BAHD1: variants seen among roughly 807,000 people sequenced by gnomAD.
BAHD1 encodes the protein bromo adjacent homology domain containing 1.
A neutral mutation model predicts 63.1 loss-of-function variants in BAHD1; 20 were observed. The observed-to-expected ratio is 0.32, with a 90% CI of 0.22 to 0.46. The LOEUF (loss-of-function observed/expected upper bound fraction) is 0.46. BAHD1 is among the 20% of genes least tolerant of loss of function. BAHD1 has a pLI of 1.00. For missense variants in BAHD1, 939 were observed against 1,071.8 expected, an observed-to-expected ratio of 0.88 and a Z score of 1.73; for synonymous variants, 408 against 426.8, an observed-to-expected ratio of 0.96 and a Z score of 0.54.
rs930120838 is a variant in BAHD1 at position 40,466,959 on chromosome 15, C to G, written c.*829C>G. ...CTACCTGATTTGTTGAAGATTTTTC[C>G]TCTTGCCTTACACATGGAGGTTCCA... On this transcript the variant is annotated 3_prime_UTR_variant, in exon 7 of 7. Coordinates refer to ENST00000416165, the MANE Select transcript of BAHD1 (RefSeq NM_014952.5). 6.6e-6 allele frequency: 1 copy of G among 152,418 alleles called. No individual in the cohort carries two copies. The highest frequency in any genetic ancestry group is 6.5e-5 in the Admixed American group (1 of 15,288). 9.4% of individuals were successfully genotyped at this position (152,418 alleles called of 1,614,324 possible).
intron 4 of BAHD1, 102 bp downstream of exon 4, chr15:40,464,122 C>T: frequency 7.4e-7 from 1 of 1,346,682 alleles, no homozygotes; most frequent in Non-Finnish European, 1.0e-6. Flanking sequence ...CGTGAGTCTC[C>T]CCGTGTTCCT....
intron 1 of BAHD1, among the ~76,000 whole-genome samples, chr15:40,443,685 G>C (rs1293403173): frequency 6.6e-6 from 1 of 152,046 alleles, no homozygotes; most frequent in African/African-American, 2.4e-5. Flanking sequence ...CCCGTGTCAG[G>C]CCTGTGTTGT....
chr15:40,458,553 T>C lies in BAHD1; in HGVS notation c.89T>C (p.Met30Thr). 1 of 1,613,696 alleles carries C rather than the reference T, an allele frequency of 6.2e-7. No individual in the cohort carries two copies. Among genetic ancestry groups the C allele is most frequent in the Non-Finnish European group, 8.5e-7 (1 of 1,179,894 alleles). ...CCCCTGCAGATGGAAGACAGCAACA[T>C]GGAGCAGGGGGTTGAGGGTGTGGAG... ...REPLQMEDSN[M>T]EQGVEGVEPG... The change falls in exon 2 of 7, where the codon ATG becomes ACG. Residue 30 changes from methionine to threonine, a missense_variant. Coordinates refer to ENST00000416165, the MANE Select transcript of BAHD1 (RefSeq NM_014952.5). This position sits in a 1 kb window ranked among gnomAD's most constrained non-coding sequence, Gnocchi z 4.7.
Position 40,466,094 on chromosome 15 carries a change from C to G in BAHD1, c.2307C>G (p.Asp769Glu). The change falls in exon 7 of 7, where the codon GAC becomes GAG. Residue 769 changes from aspartate (D) to glutamate (E), a missense_variant. By Grantham distance (45) the Asp-to-Glu change is conservative. Coordinates refer to ENST00000416165, the MANE Select transcript of BAHD1 (RefSeq NM_014952.5). Reference sequence around the variant, plus strand: ...TGTTCCTTTGCCGCCATGTCTATGACTTCCGCCACGGGCGCATCCTTAAGA... The same window carrying G: ...TGTTCCTTTGCCGCCATGTCTATGAGTTCCGCCACGGGCGCATCCTTAAGA... ...ELVFLCRHVYDFRHGRILKNP... is the reference protein window; with the variant it reads ...ELVFLCRHVYEFRHGRILKNP... The G allele has an allele frequency of 6.2e-7, 1 of 1,614,058 alleles. No homozygotes were observed. Among genetic ancestry groups the G allele is most frequent in the Non-Finnish European group, 8.5e-7 (1 of 1,179,928 alleles).
At chr15:40,440,363 C>G (rs2141455835), upstream of BAHD1, among the ~76,000 whole-genome samples, 1 of 152,032 alleles carries the variant, frequency 6.6e-6, no homozygotes, top group South Asian at 2.1e-4. Context: ...GGCCCTTTTG[C>G]AGGAGTCTGG....
intron 1 of BAHD1, among the ~76,000 whole-genome samples, chr15:40,454,863 A>C (rs960308438): frequency 1.3e-5 from 2 of 152,086 alleles, no homozygotes; most frequent in African/African-American, 4.8e-5. Context: ...AACCAAGCCT[A>C]CCACTTTGCT....
Position 40,464,915 on chromosome 15 carries a change from A to C in BAHD1, c.2052+368A>C, listed in dbSNP as rs540742783. 4.1e-4 allele frequency: 152 copies of C among 369,542 alleles called. 1 individual carries two copies. The South Asian group carries it at 4.8e-3, about 12-fold the overall frequency. 22.9% of individuals were successfully genotyped at this position (369,542 alleles called of 1,614,324 possible). On this transcript the variant is annotated intron_variant, in intron 5 of 6. Transcript: ENST00000416165. ...AGTAGGGGAGGGGAGGGGAGGAAAGACTCCTCCTAACACCCCATAGGCTCT... is the reference window on the plus strand; with the variant it reads ...AGTAGGGGAGGGGAGGGGAGGAAAGCCTCCTCCTAACACCCCATAGGCTCT...
intron 1 of BAHD1, among the ~76,000 whole-genome samples, chr15:40,456,273 C>G (rs185966691): frequency 7.7e-4 from 117 of 152,334 alleles, no homozygotes; most frequent in African/African-American, 2.7e-3. Flanking sequence ...CCACCACGCC[C>G]GGCATTGCCA....
intron 1 of BAHD1, among the ~76,000 whole-genome samples, chr15:40,447,164 C>T (rs552955435): frequency 2.6e-5 from 4 of 152,322 alleles, no homozygotes; most frequent in East Asian, 3.9e-4. Flanking sequence ...GGTGAAGTCA[C>T]GTTTCCACCA....
At chr15:40,449,736 G>A (rs1893648950) in intron 1 of BAHD1, among the ~76,000 whole-genome samples, 1 of 150,434 alleles carries the variant, frequency 6.6e-6, no homozygotes, top group Non-Finnish European at 1.5e-5. Flanking sequence ...TTGAGCCCAG[G>A]AATTCGAGGC....
chr15:40,438,738 C>G (rs535517797), upstream of BAHD1, among the ~76,000 whole-genome samples: 3 of 152,330 alleles, frequency 2.0e-5, no homozygotes, highest in African/African-American at 7.2e-5. Flanking sequence ...CTGCCATTTC[C>G]TCGGCTGAAC....
In BAHD1 at chr15:40,463,737, G is replaced by C. The variant is rs1449469107; in HGVS notation, c.1816-124G>C. ...CCCATCCAAAAAAGGATAGTGGTTT[G>C]ACAAAACCAAGGTAGTGGTTTGACT... is the stretch of plus-strand genomic sequence containing the variant. On this transcript the variant is annotated intron_variant, in intron 3 of 6. Transcript: ENST00000416165. 14 of 1,122,922 alleles carry C rather than the reference G, an allele frequency of 1.2e-5. No homozygotes were observed. In the South Asian group the frequency reaches 2.2e-4, roughly 18 times the overall value. The allele number at this position is 1,122,922 out of a possible 1,614,324, so 69.6% of individuals were successfully genotyped here. A position where few individuals can be genotyped will look rare whatever the true frequency, so the allele number is the denominator to read the frequency against.
In BAHD1 at chr15:40,463,938, C is replaced by T. The variant is rs773872277; in HGVS notation, c.1893C>T (p.Thr631=). The T allele has an allele frequency of 6.8e-6, 11 of 1,614,090 alleles. No individual in the cohort carries two copies. The highest frequency in any genetic ancestry group is 3.3e-5 in the South Asian group (3 of 91,084). Residue 631 remains threonine, a synonymous_variant, in exon 4 of 7, where the codon ACC becomes ACT. Coordinates refer to ENST00000416165, the MANE Select transcript of BAHD1 (RefSeq NM_014952.5). ...RHGETIRVRD[T]VLLKSGPRKT... ...GGGAGACAATCCGAGTCCGGGACAC[C>T]GTCCTTCTCAAATCAGGCCCACGAA...
intron 1 of BAHD1, among the ~76,000 whole-genome samples, chr15:40,449,636 CAAAAAT>C (rs1186634223): frequency 1.3e-5 from 2 of 151,694 alleles, no homozygotes; most frequent in Non-Finnish European, 2.9e-5. Context: ...CTTGTCTCTA[CAAAAAT>C]AAAAATAAAT....
intron 1 of BAHD1, among the ~76,000 whole-genome samples, chr15:40,456,168 CAG>C (rs1365512887): frequency 6.6e-6 from 1 of 151,932 alleles, no homozygotes; most frequent in Non-Finnish European, 1.5e-5. Flanking sequence ...TTATTAGAGA[CAG>C]GGTTTCACTG....
rs1414161884 is a variant in BAHD1, at chr15:40,459,232, C to A, written c.768C>A (p.Asn256Lys). The part of the protein sequence containing the change: ...RPKWPKVNGK[N>K]YPKAWQGASS... The stretch of plus-strand genomic sequence containing the variant: ...AGTGGCCCAAGGTCAATGGCAAGAA[C>A]TATCCCAAGGCTTGGCAGGGGGCCA... Residue 256 changes from asparagine to lysine, a missense_variant, in exon 2 of 7, where the codon AAC becomes AAA. Physicochemically the swap from Asn to Lys is moderately conservative, Grantham distance 94 (BLOSUM62 0). Transcript: ENST00000416165. 12 of 1,612,036 alleles carry A rather than the reference C, an allele frequency of 7.4e-6. No individual in the cohort carries two copies. Among genetic ancestry groups the A allele is most frequent in the Non-Finnish European group, 1.0e-5 (12 of 1,179,318 alleles).
At position 40,459,868 on chromosome 15, in the gene BAHD1, C is replaced by G. The variant is rs771344428; in HGVS notation, c.1404C>G (p.Gly468=). ...SVTHAGTTCG[G]CPYKMPFAAE... is the part of the protein sequence containing the mutation. The stretch of plus-strand genomic sequence containing the variant: ...CCCACGCTGGCACTACCTGTGGCGG[C>G]TGCCCATACAAAATGCCTTTTGCAG... Residue 468 remains glycine (G), a synonymous_variant, in exon 2 of 7, where the codon GGC becomes GGG. Transcript: ENST00000416165. 3.8e-6 allele frequency: 6 copies of G among 1,595,640 alleles called. No individual in the cohort carries two copies. The African/African-American group carries it at 8.0e-5, about 21-fold the overall frequency.
At chr15:40,463,795 CCT>C (rs1433767563) in intron 3 of BAHD1, 64 bp from the exon 4 acceptor site, 1 of 1,556,788 alleles carries the variant, frequency 6.4e-7, no homozygotes, top group African/African-American at 1.4e-5. Flanking sequence ...GATGTCATTC[CCT>C]CTCTCTGTCC....
upstream of BAHD1, among the ~76,000 whole-genome samples, chr15:40,439,165 GGGTGGGA>G (rs1199244321): frequency 6.6e-6 from 1 of 152,218 alleles, no homozygotes; most frequent in Non-Finnish European, 1.5e-5. Flanking sequence ...CTTTCCCCAA[GGGTGGGA>G]GGTGGGAGAA....
Sources: allele counts gnomAD v4.1 joint callset (sites outside exome capture counted in the v4.1 genomes callset), GRCh38; gene constraint gnomAD v4.1.1; non-coding constraint Gnocchi (gnomAD v3.1); transcripts MANE v1.5; gene names NCBI Gene and HGNC (gene_info 2026-07-23, HGNC 2026-07-21).